PLEKHG4B: variants seen among roughly 807,000 people sequenced by gnomAD.
The protein encoded by PLEKHG4B is pleckstrin homology and RhoGEF domain containing G4B.
Under a neutral mutation model 121.3 loss-of-function variants are expected in PLEKHG4B, and 111 were observed. The observed-to-expected ratio is 0.92, with a 90% CI of 0.78 to 1.07. PLEKHG4B has a LOEUF of 1.07. PLEKHG4B is among the 50% of genes least tolerant of loss of function. The probability of loss-of-function intolerance (pLI) is 0.00; values close to 1 mark genes in which losing one functional copy is unlikely to be tolerated. For missense variants in PLEKHG4B, 1,831 were observed against 1,757.8 expected (o/e 1.04, Z -0.74); for synonymous variants, 738 against 725.0 (o/e 1.02, Z -0.29).
At chr5:172,606 C>T (rs1042794636) in intron 16 of PLEKHG4B, among the ~76,000 whole-genome samples, 2 of 152,224 alleles carry the variant, frequency 1.3e-5, no homozygotes, top group Non-Finnish European at 2.9e-5. Flanking sequence ...GTGGGACGCT[C>T]ACCCCCTGAG....
chr5:127,366 T>TATTATTATC (rs1553984000), intron 2 of PLEKHG4B, among the ~76,000 whole-genome samples: 4 of 147,408 alleles, frequency 2.7e-5, no homozygotes, highest in Admixed American at 6.8e-5. Context: ...TTATTATTAT[T>TATTATTATC]ATTATTATTA....
chr5:173,123 C>A lies in PLEKHG4B; in HGVS notation c.4221+56C>A, dbSNP rs1736626388. ...GCCGAGCCAGGCCCTCCAAGGGGGT[C>A]TCGGACCCTTGTCTCACCTAAGGCC... On this transcript the variant is annotated intron_variant, in intron 17 of 19. Coordinates refer to ENST00000637938, the MANE Select transcript of PLEKHG4B (RefSeq NM_052909.5). 2.6e-6 allele frequency: 4 copies of A among 1,561,118 alleles called. No individual in the cohort carries two copies. The East Asian group carries it at 6.8e-5, about 26-fold the overall frequency.
In PLEKHG4B at chr5:143,268, T is replaced by C; in HGVS notation, c.1687+12T>C. ...CGTCACCCTCCCAGGTGAGAGCACA[T>C]GCCAGGCTCTCCTGTCAGGGCGGAT... On this transcript the variant is annotated intron_variant, in intron 4 of 19. Transcript: ENST00000637938. 1 of 1,609,626 alleles carries C rather than the reference T, an allele frequency of 6.2e-7. No homozygotes were observed. Among genetic ancestry groups the C allele is most frequent in the Non-Finnish European group, 8.5e-7 (1 of 1,179,808 alleles).
In PLEKHG4B at chr5:118,361, C is replaced by G. The variant is rs373960564; in HGVS notation, c.243+4913C>G. On this transcript the variant is annotated intron_variant, in intron 2 of 19. Transcript: ENST00000637938. ...GGGATATACATTAAACACACTGACT[C>G]TCTTCCATTATGGGGCATACGTAGA... Among the ~76,000 whole-genome samples, 16 of 152,314 alleles carry G rather than the reference C, an allele frequency of 1.1e-4. No individual in the cohort carries two copies. In the South Asian group the frequency reaches 3.1e-3, roughly 30 times the overall value.
rs373723448 is a variant in PLEKHG4B, at chr5:153,420, G to A, written c.1993-1455G>A. The stretch of plus-strand genomic sequence containing the variant: ...CTCACAGTGTTGTTCTAGTGTGCAC[G>A]TAACGTGGTTAGACTCCAACCGGCA... On this transcript the variant is annotated intron_variant, in intron 7 of 19. Coordinates refer to ENST00000637938, the MANE Select transcript of PLEKHG4B (RefSeq NM_052909.5). 3.1e-4 allele frequency among the ~76,000 whole-genome samples: 47 copies of A among 152,294 alleles called. 1 individual carries two copies. Among genetic ancestry groups the A allele is most frequent in the African/African-American group, 1.1e-3 (46 of 41,560 alleles).
At chr5:173,503 G>T (rs181369476) in intron 17 of PLEKHG4B, among the ~76,000 whole-genome samples, 20 of 152,272 alleles carry the variant, frequency 1.3e-4, no homozygotes, top group Admixed American at 1.2e-3. Flanking sequence ...GAGGGTGCAT[G>T]GGCTCACACA....
At chr5:106,268 A>G (rs531869245) in intron 1 of PLEKHG4B, among the ~76,000 whole-genome samples, 1 of 152,276 alleles carries the variant, frequency 6.6e-6, no homozygotes, top group East Asian at 1.9e-4. Context: ...CAGTTCCTTG[A>G]GGAAAGCACG....
chr5:156,472 G>T lies in PLEKHG4B; in HGVS notation c.2348+262G>T, dbSNP rs901228346. Among the ~76,000 whole-genome samples the T allele has an allele frequency of 6.6e-6, 1 of 151,820 alleles. No individual in the cohort carries two copies. Among genetic ancestry groups the T allele is most frequent in the African/African-American group, 2.4e-5 (1 of 41,334 alleles). ...AATGAGCTCATTCTTGACCAGTGCT[G>T]CCTGGGGAGCTGTGCCCACCCCCAG... On this transcript the variant is annotated intron_variant, in intron 10 of 19. Coordinates refer to ENST00000637938, the MANE Select transcript of PLEKHG4B (RefSeq NM_052909.5). The surrounding 1 kb of genome is among the most constrained non-coding windows in gnomAD (Gnocchi z 4.4).
At chr5:142,654 C>T (rs1735255539) in intron 3 of PLEKHG4B, among the ~76,000 whole-genome samples, 1 of 152,016 alleles carries the variant, frequency 6.6e-6, no homozygotes, top group African/African-American at 2.4e-5. Context: ...AGTAACACAC[C>T]AGTCACATGC....
intron 16 of PLEKHG4B, 73 bp from the exon 17 acceptor site, chr5:172,824 C>T (rs1426920172): frequency 1.8e-5 from 27 of 1,528,866 alleles, no homozygotes; most frequent in South Asian, 6.8e-5. Context: ...CACATTTAGA[C>T]GGAGACAGTG....
At position 156,678 on chromosome 5, in the gene PLEKHG4B, A is replaced by C; in HGVS notation, c.2349-95A>C. ...CTCCCGTTGCCTTGTGGCATGAGGG[A>C]ATGGAAAGAGCAGGGTTTTTATATG... On this transcript the variant is annotated intron_variant, in intron 10 of 19. Coordinates refer to ENST00000637938, the MANE Select transcript of PLEKHG4B (RefSeq NM_052909.5). The surrounding 1 kb of genome is among the most constrained non-coding windows in gnomAD (Gnocchi z 4.4). 1 of 1,440,930 alleles carries C rather than the reference A, an allele frequency of 6.9e-7. No homozygotes were observed. The highest frequency in any genetic ancestry group is 2.5e-5 in the East Asian group (1 of 39,988). 89.3% of individuals were successfully genotyped at this position (1,440,930 alleles called of 1,614,324 possible). A position where few individuals can be genotyped will look rare whatever the true frequency, so the allele number is the denominator to read the frequency against.
chr5:169,295 G>A (rs1214595499), intron 13 of PLEKHG4B, 45 bp from the exon 14 acceptor site: 3 of 1,606,786 alleles, frequency 1.9e-6, no homozygotes, highest in East Asian at 4.5e-5. Flanking sequence ...TTAATAAAGT[G>A]TCCGTGGGGG....
Position 157,398 on chromosome 5 carries a change from C to T in PLEKHG4B, c.2487+487C>T, listed in dbSNP as rs546721853. On this transcript the variant is annotated intron_variant, in intron 11 of 19. Transcript: ENST00000637938. The surrounding 1 kb of genome is among the most constrained non-coding windows in gnomAD (Gnocchi z 4.6). ...AGGTTTTAAAGAAAAGAGGACAAAT[C>T]GGGAGGGGGTGATGACGGAAGTGGC... Among the ~76,000 whole-genome samples the T allele has an allele frequency of 2.0e-5, 3 of 152,146 alleles. No homozygotes were observed. Among genetic ancestry groups the T allele is most frequent in the East Asian group, 1.9e-4 (1 of 5,152 alleles).
Position 136,635 on chromosome 5 carries a change from T to A in PLEKHG4B, c.244-2848T>A, listed in dbSNP as rs146821481. Among the ~76,000 whole-genome samples, 313 of 152,316 alleles carry A rather than the reference T, an allele frequency of 2.1e-3. 2 individuals are homozygous for A. The highest frequency in any genetic ancestry group is 7.1e-3 in the African/African-American group (297 of 41,560). On this transcript the variant is annotated intron_variant, in intron 2 of 19. Transcript: ENST00000637938. The stretch of plus-strand genomic sequence containing the variant: ...AGATACCACCTCCCACCCATTGTGA[T>A]AGCTTTTAAAGGAAAAACACCATTA...
At position 184,019 on chromosome 5, in the gene PLEKHG4B, AGATAGATAGACT is replaced by A. The variant is rs1560962130; in HGVS notation, c.*1699_*1710del. ...TAGATAGATAGATAGATAGATAGAT[AGATAGATAGACT>A]GACAGACAGATGAGAGGGGCCTTAG... On this transcript the variant is annotated 3_prime_UTR_variant, in exon 20 of 20. Coordinates refer to ENST00000637938, the MANE Select transcript of PLEKHG4B (RefSeq NM_052909.5). 6.8e-6 allele frequency: 1 copy of A among 147,672 alleles called. No homozygotes were observed. The highest frequency in any genetic ancestry group is 2.0e-4 in the East Asian group (1 of 5,126). 9.1% of individuals were successfully genotyped at this position (147,672 alleles called of 1,614,324 possible).
chr5:123,654 C>T (rs907064390), intron 2 of PLEKHG4B, among the ~76,000 whole-genome samples: 8 of 152,102 alleles, frequency 5.3e-5, no homozygotes, highest in Non-Finnish European at 1.2e-4. Context: ...TGATGTACAG[C>T]TAATAATAAT....
At chr5:134,685 G>C (rs987643108) in intron 2 of PLEKHG4B, among the ~76,000 whole-genome samples, 1 of 151,074 alleles carries the variant, frequency 6.6e-6, no homozygotes, top group Non-Finnish European at 1.5e-5. Context: ...AGAATCACTC[G>C]AACCTGGGAG....
intron 1 of PLEKHG4B, among the ~76,000 whole-genome samples, chr5:97,491 T>G (rs1733664398): frequency 6.6e-6 from 1 of 152,250 alleles, no homozygotes; most frequent in Non-Finnish European, 1.5e-5. Flanking sequence ...ACTCATCTGC[T>G]TTCTGTCTCT....
chr5:132,384 T>G (rs1437107705), intron 2 of PLEKHG4B, among the ~76,000 whole-genome samples: 1 of 152,252 alleles, frequency 6.6e-6, no homozygotes, highest in Non-Finnish European at 1.5e-5. Context: ...GTGCAGAAGC[T>G]TTTTACTTTA....
Sources: allele counts gnomAD v4.1 joint callset (sites outside exome capture counted in the v4.1 genomes callset), GRCh38; gene constraint gnomAD v4.1.1; non-coding constraint Gnocchi (gnomAD v3.1); transcripts MANE v1.5; gene names NCBI Gene and HGNC (gene_info 2026-07-23, HGNC 2026-07-21).